ROBO2: variants seen among roughly 807,000 people sequenced by gnomAD.
The protein encoded by ROBO2 is roundabout homolog 2.
In ROBO2, 53 loss-of-function variants were observed where a neutral mutation model predicts 160.8. The observed-to-expected ratio is 0.33, with a 90% CI of 0.26 to 0.41. The LOEUF is 0.41. ROBO2 is among the 10% of genes least tolerant of loss of function. The pLI is 1.00. For synonymous variants in ROBO2, 664 were observed against 611.7 expected (o/e 1.09, Z -1.26); for missense variants, 1,577 against 1,722.4 (o/e 0.92, Z 1.49).
intron 2 of ROBO2, among the ~76,000 whole-genome samples, chr3:76,783,439 G>C (rs1232923329): frequency 1.3e-5 from 2 of 149,940 alleles, no homozygotes; most frequent in Admixed American, 6.7e-5. Flanking sequence ...TGTTTGTCTG[G>C]GAATGTCCTT....
At chr3:77,415,626 T>C (rs532478388) in intron 2 of ROBO2, among the ~76,000 whole-genome samples, 7 of 152,236 alleles carry the variant, frequency 4.6e-5, no homozygotes, top group African/African-American at 1.4e-4. Context: ...GCACTCAGCT[T>C]GCACTACCAA....
chr3:77,344,474 A>C (rs1380544234), intron 2 of ROBO2, among the ~76,000 whole-genome samples: 1 of 152,110 alleles, frequency 6.6e-6, no homozygotes. Flanking sequence ...GTCCTTATAA[A>C]AGAGGCCCAA....
intron 2 of ROBO2, among the ~76,000 whole-genome samples, chr3:76,583,967 T>C (rs1245134583): frequency 1.3e-5 from 2 of 152,154 alleles, no homozygotes; most frequent in African/African-American, 4.8e-5. Context: ...TTCTTCTTCA[T>C]GTAAAAACCA....
At chr3:77,004,075 CTT>C (rs538831365) in intron 2 of ROBO2, among the ~76,000 whole-genome samples, 54 of 152,196 alleles carry the variant, frequency 3.5e-4, no homozygotes, top group African/African-American at 1.3e-3. Context: ...TTTTTAAAAA[CTT>C]TGAAAATCTT....
intron 2 of ROBO2, among the ~76,000 whole-genome samples, chr3:77,215,622 G>A (rs2084824905): frequency 6.6e-6 from 1 of 152,170 alleles, no homozygotes; most frequent in Non-Finnish European, 1.5e-5. Flanking sequence ...TTGCTGGTGA[G>A]GAGCTGCGTT....
At chr3:77,254,133 ATGG>A (rs1214147659) in intron 2 of ROBO2, among the ~76,000 whole-genome samples, 9 of 152,186 alleles carry the variant, frequency 5.9e-5, no homozygotes, top group Non-Finnish European at 1.2e-4. Context: ...TTAGCCAGGT[ATGG>A]TGGTGCACCT....
intron 2 of ROBO2, among the ~76,000 whole-genome samples, chr3:77,377,623 T>C (rs2072867385): frequency 6.6e-6 from 1 of 152,192 alleles, no homozygotes; most frequent in Non-Finnish European, 1.5e-5. Flanking sequence ...CCCAAGACCA[T>C]ATGAAAGATA....
At chr3:77,526,752 G>T (rs1207366701) in intron 6 of ROBO2, among the ~76,000 whole-genome samples, 1 of 151,408 alleles carries the variant, frequency 6.6e-6, no homozygotes, top group African/African-American at 2.4e-5. Context: ...GTGTGAACAG[G>T]AATCAACTTG....
At chr3:77,552,821 G>T (rs533010904) in intron 8 of ROBO2, among the ~76,000 whole-genome samples, 3 of 151,912 alleles carry the variant, frequency 2.0e-5, no homozygotes, top group Non-Finnish European at 4.4e-5. Flanking sequence ...TTGCCACATT[G>T]GCTGATGCCT....
intron 2 of ROBO2, among the ~76,000 whole-genome samples, chr3:76,268,935 A>G (rs1334319060): frequency 6.6e-6 from 1 of 152,118 alleles, no homozygotes; most frequent in Non-Finnish European, 1.5e-5. Flanking sequence ...TATTTTGTTA[A>G]CCTAGTAGCC....
intron 2 of ROBO2, among the ~76,000 whole-genome samples, chr3:77,367,975 T>C (rs1027081260): frequency 1.3e-5 from 2 of 152,202 alleles, no homozygotes; most frequent in Non-Finnish European, 2.9e-5. Flanking sequence ...TTTTAACTTA[T>C]GAAATTATAG....
In ROBO2 at chr3:75,965,109, T is replaced by G. The variant is rs183068169; in HGVS notation, c.109+27507T>G. The G allele has an allele frequency of 3.3e-5, 5 of 151,728 alleles. No individual in the cohort carries two copies. The Admixed American group carries it at 3.3e-4, about 10-fold the overall frequency. 9.4% of individuals were successfully genotyped at this position (151,728 alleles called of 1,614,324 possible). On this transcript the variant is annotated intron_variant, in intron 2 of 26. Coordinates refer to the ROBO2 transcript ENST00000487694. The stretch of plus-strand genomic sequence containing the variant: ...TCATCTACACTTACCTCATCAGCAC[T>G]CCCTACTTCTTGCTTATCTTAAGCA...
chr3:76,937,368 A>G (rs2149089280), intron 2 of ROBO2, among the ~76,000 whole-genome samples: 1 of 152,270 alleles, frequency 6.6e-6, no homozygotes, highest in South Asian at 2.1e-4. Context: ...ATCTGATGCC[A>G]TAAAAATTTA....
intron 2 of ROBO2, among the ~76,000 whole-genome samples, chr3:77,362,545 A>G (rs1390222576): frequency 6.6e-6 from 1 of 152,082 alleles, no homozygotes; most frequent in Non-Finnish European, 1.5e-5. Context: ...TCTTGCTAAA[A>G]CTGGATTTTA....
chr3:77,447,173 G>A lies in ROBO2; in HGVS notation c.389-30241G>A, dbSNP rs991996598. Among the ~76,000 whole-genome samples the A allele has an allele frequency of 3.3e-5, 5 of 152,058 alleles. No individual in the cohort carries two copies. The South Asian group carries it at 1.0e-3, about 31-fold the overall frequency. On this transcript the variant is annotated intron_variant, in intron 2 of 25. Transcript: ENST00000461745. ...TTTAATTGATACTACACCTTGAAAT[G>A]TTTCATAGCAACAGCCAATGCTAAT...
intron 22 of ROBO2, among the ~76,000 whole-genome samples, chr3:77,621,811 T>G (rs566470313): frequency 2.0e-5 from 3 of 152,096 alleles, no homozygotes; most frequent in Admixed American, 2.0e-4. Flanking sequence ...CTTTTCTTCA[T>G]AAGGGCCAGC....
intron 2 of ROBO2, among the ~76,000 whole-genome samples, chr3:76,078,561 C>T (rs1326018339): frequency 1.3e-5 from 2 of 151,916 alleles, no homozygotes; most frequent in African/African-American, 4.8e-5. Flanking sequence ...GACAGGGTGT[C>T]CCTATGTTGC....
intron 2 of ROBO2, among the ~76,000 whole-genome samples, chr3:77,239,599 G>A (rs1208485137): frequency 6.6e-6 from 1 of 152,172 alleles, no homozygotes; most frequent in Non-Finnish European, 1.5e-5. Context: ...ATTTTACAGA[G>A]AGCTGATTGG....
At chr3:77,292,418 C>G (rs144019620) in intron 2 of ROBO2, among the ~76,000 whole-genome samples, 2 of 150,796 alleles carry the variant, frequency 1.3e-5, no homozygotes, top group Admixed American at 6.6e-5. Flanking sequence ...GACGGTTAAA[C>G]GGATAAGCTG....
Sources: gnomAD v4.1 joint callset for allele counts (sites outside exome capture counted in the v4.1 genomes callset) on GRCh38, gnomAD v4.1.1 for gene constraint, MANE v1.5 for transcripts, NCBI Gene and HGNC (gene_info 2026-07-23, HGNC 2026-07-21) for gene names.